ESF1: variants seen among roughly 807,000 people sequenced by gnomAD.
The protein encoded by ESF1 is ESF1 nucleolar pre-rRNA processing protein, also known as ESF1 homolog.
ESF1 carries 58 observed loss-of-function variants against 92.0 expected under a neutral mutation model. The ratio of observed to expected loss-of-function variants is 0.63; its 90% CI spans 0.51 to 0.78. ESF1 has a LOEUF of 0.78. Among genes scored for constraint, ESF1 ranks in the 30% least tolerant of loss-of-function variants. The probability of loss-of-function intolerance (pLI) is 0.00; values close to 1 mark genes in which losing one functional copy is unlikely to be tolerated. For synonymous variants in ESF1, 321 were observed against 313.7 expected (o/e 1.02, Z -0.24); for missense variants, 922 against 989.1 (o/e 0.93, Z 0.91).
intron 9 of ESF1, among the ~76,000 whole-genome samples, chr20:13,737,756 C>T (rs144463230): frequency 0.018 from 2,802 of 152,204 alleles, 90 homozygotes; most frequent in African/African-American, 0.062. Flanking sequence ...CAGATGCAAG[C>T]GATTTTCCTG....
intron 9 of ESF1, among the ~76,000 whole-genome samples, chr20:13,734,839 C>T (rs867471921): frequency 4.6e-5 from 7 of 152,018 alleles, no homozygotes; most frequent in Middle Eastern, 6.8e-3. Flanking sequence ...AAAGTAGAAA[C>T]GATACTAAAT....
At chr20:13,763,727 G>T (rs1001875188) in intron 8 of ESF1, among the ~76,000 whole-genome samples, 1 of 152,126 alleles carries the variant, frequency 6.6e-6, no homozygotes, top group African/African-American at 2.4e-5. Flanking sequence ...TAGTTATTTG[G>T]AATGCCAAAA....
intron 11 of ESF1, among the ~76,000 whole-genome samples, chr20:13,719,187 G>C (rs2049851172): frequency 6.6e-6 from 1 of 152,088 alleles, no homozygotes; most frequent in African/African-American, 2.4e-5. Context: ...TGGAGTGACT[G>C]CATGTTACAA....
intron 9 of ESF1, among the ~76,000 whole-genome samples, chr20:13,739,936 T>C (rs1264624713): frequency 6.6e-6 from 1 of 152,124 alleles, no homozygotes; most frequent in African/African-American, 2.4e-5. Flanking sequence ...TGCTTAAGGG[T>C]GCTCTCAGTG....
chr20:13,743,442 A>G (rs1182203795), intron 9 of ESF1, among the ~76,000 whole-genome samples: 4 of 152,240 alleles, frequency 2.6e-5, no homozygotes, highest in Admixed American at 6.5e-5. Flanking sequence ...TGTTCATTGC[A>G]GCATTATTCG....
intron 11 of ESF1, among the ~76,000 whole-genome samples, chr20:13,720,628 A>T (rs1459700029): frequency 6.6e-6 from 1 of 152,328 alleles, no homozygotes; most frequent in East Asian, 1.9e-4. Flanking sequence ...GGTATCTTCT[A>T]GACTATAGTG....
At chr20:13,779,896 TTATGTA>T (rs1250915777) in intron 2 of ESF1, among the ~76,000 whole-genome samples, 4 of 152,142 alleles carry the variant, frequency 2.6e-5, no homozygotes, top group Non-Finnish European at 4.4e-5. Context: ...ATCCAATTAT[TTATGTA>T]AAATAGATTC....
Position 13,775,231 on chromosome 20 carries a change from T to C in ESF1, c.1075A>G (p.Arg359Gly). ...RLAVCNMDWD[R>G]LKAKDLLALF... is the part of the protein sequence containing the mutation. ...GCCAGCAAATCTTTTGCCTTTAATCTATCCCAGTCCATGTTACAAACTGCT... is the reference window on the plus strand; with the variant it reads ...GCCAGCAAATCTTTTGCCTTTAATCCATCCCAGTCCATGTTACAAACTGCT... Residue 359 changes from arginine to glycine, a missense_variant, in exon 4 of 14, where the codon AGA becomes GGA. Coordinates refer to ENST00000617257, the MANE Select transcript of ESF1 (RefSeq NM_001276380.2). 1 of 1,611,370 alleles carries C rather than the reference T, an allele frequency of 6.2e-7. No homozygotes were observed. The highest frequency in any genetic ancestry group is 2.2e-5 in the East Asian group (1 of 44,750).
At chr20:13,758,343 C>A (rs1978994169) in intron 9 of ESF1, among the ~76,000 whole-genome samples, 1 of 152,170 alleles carries the variant, frequency 6.6e-6, no homozygotes, top group Admixed American at 6.5e-5. Flanking sequence ...ATATGATACA[C>A]CAGTAAACTT....
chr20:13,750,225 C>A (rs774963162), intron 9 of ESF1, among the ~76,000 whole-genome samples: 1 of 152,222 alleles, frequency 6.6e-6, no homozygotes, highest in Non-Finnish European at 1.5e-5. Flanking sequence ...CCTATCCAGG[C>A]TGGGCCCAGT....
chr20:13,747,586 C>T (rs773514033), intron 9 of ESF1, among the ~76,000 whole-genome samples: 1 of 140,362 alleles, frequency 7.1e-6, no homozygotes, highest in Non-Finnish European at 1.5e-5. Flanking sequence ...GAGCGAGACT[C>T]AGTCTCGAAA....
intron 11 of ESF1, among the ~76,000 whole-genome samples, chr20:13,720,879 G>A (rs751037042): frequency 6.6e-6 from 1 of 152,200 alleles, no homozygotes; most frequent in Non-Finnish European, 1.5e-5. Context: ...CCAGCACTTC[G>A]GGAGGCCGAG....
chr20:13,775,227 A>T lies in ESF1; in HGVS notation c.1079T>A (p.Leu360Ter). The change falls in exon 4 of 14, where the codon TTA (leucine) becomes TAA (stop). Residue 360 changes from leucine to a stop codon, truncating the protein, a stop_gained. Coordinates refer to ENST00000617257, the MANE Select transcript of ESF1 (RefSeq NM_001276380.2). LOFTEE classifies it high-confidence loss of function. ...CAGAGCCAGCAAATCTTTTGCCTTT[A>T]ATCTATCCCAGTCCATGTTACAAAC... The part of the protein sequence containing the change: ...LAVCNMDWDR[L>*]KAKDLLALFN... 1 of 1,611,474 alleles carries T rather than the reference A, an allele frequency of 6.2e-7. No homozygotes were observed. The highest frequency in any genetic ancestry group is 1.1e-5 in the South Asian group (1 of 90,442).
At chr20:13,759,475 A>G (rs942083244) in intron 9 of ESF1, among the ~76,000 whole-genome samples, 1 of 152,214 alleles carries the variant, frequency 6.6e-6, no homozygotes, top group Non-Finnish European at 1.5e-5. Context: ...AGCTACTCTG[A>G]TAAATGGACA....
chr20:13,759,853 C>A lies in ESF1; in HGVS notation c.1667G>T (p.Gly556Val). The A allele has an allele frequency of 6.3e-7, 1 of 1,582,796 alleles. No homozygotes were observed. The highest frequency in any genetic ancestry group is 8.5e-7 in the Non-Finnish European group (1 of 1,171,240). Residue 556 changes from glycine to valine, a missense_variant and splice_region_variant, in exon 9 of 14, where the codon GGT becomes GTT. By Grantham distance (109) the Gly-to-Val change is moderately radical. Coordinates refer to ENST00000617257, the MANE Select transcript of ESF1 (RefSeq NM_001276380.2). ...TTCTTCTACATTGACTCCATCATCA[C>A]CTAATGAAAAAAAAATTCACTTAAT... ...DEEEIEEELQ[G>V]DDGVNVEEDG...
chr20:13,715,289 GTGTT>G, intron 13 of ESF1, 122 bp from the exon 14 acceptor site: 1 of 911,092 alleles, frequency 1.1e-6, no homozygotes, highest in East Asian at 2.8e-5. Context: ...ACAAACCTGA[GTGTT>G]TGTACTGATT....
intron 11 of ESF1, 144 bp downstream of exon 11, chr20:13,728,234 G>A: frequency 1.7e-6 from 1 of 585,444 alleles, no homozygotes; most frequent in East Asian, 3.0e-5. Flanking sequence ...ATGACTGTAT[G>A]CCACAGGACA....
intron 12 of ESF1, among the ~76,000 whole-genome samples, chr20:13,717,956 C>CTTT (rs758741323): frequency 1.5e-5 from 2 of 134,648 alleles, no homozygotes; most frequent in Non-Finnish European, 1.6e-5. Context: ...TTTTTTTTTG[C>CTTT]TTTTTTTTTT....
chr20:13,754,165 C>A (rs1054736481), intron 9 of ESF1, among the ~76,000 whole-genome samples: 1 of 152,188 alleles, frequency 6.6e-6, no homozygotes, highest in African/African-American at 2.4e-5. Context: ...CATCATCCCA[C>A]AAAAACCATT....
Sources: gnomAD v4.1 joint callset for allele counts (sites outside exome capture counted in the v4.1 genomes callset) on GRCh38, gnomAD v4.1.1 for gene constraint, MANE v1.5 for transcripts, NCBI Gene and HGNC (gene_info 2026-07-23, HGNC 2026-07-21) for gene names.